PIK3C2A: variants seen among roughly 807,000 people sequenced by gnomAD.
PIK3C2A encodes phosphatidylinositol-4-phosphate 3-kinase catalytic subunit type 2 alpha.
Under a neutral mutation model 204.5 loss-of-function variants are expected in PIK3C2A, and 97 were observed. The ratio of observed to expected loss-of-function variants is 0.47; its 90% CI spans 0.40 to 0.56. PIK3C2A has a LOEUF of 0.56. Among genes scored for constraint, PIK3C2A ranks in the 20% least tolerant of loss-of-function variants. PIK3C2A has a pLI of 0.00. For synonymous variants in PIK3C2A, 653 were observed against 664.4 expected (o/e 0.98, Z 0.26); for missense variants, 1,735 against 1,969.2 (o/e 0.88, Z 2.25).
At chr11:17,102,888 G>C in intron 23 of PIK3C2A, 57 bp from the exon 24 acceptor site, 1 of 1,124,696 alleles carries the variant, frequency 8.9e-7, no homozygotes, top group South Asian at 1.5e-5. Flanking sequence ...AAGAGGCAGA[G>C]TTTATAAATA....
intron 2 of PIK3C2A, among the ~76,000 whole-genome samples, chr11:17,161,362 C>T (rs1225658379): frequency 2.0e-5 from 3 of 152,096 alleles, no homozygotes; most frequent in Non-Finnish European, 4.4e-5. Flanking sequence ...TTAACTTTTG[C>T]TCTTCTTTAA....
intron 30 of PIK3C2A, among the ~76,000 whole-genome samples, 169 bp from the exon 31 acceptor site, chr11:17,091,825 C>T (rs1054138696): frequency 3.9e-5 from 6 of 152,154 alleles, no homozygotes; most frequent in African/African-American, 1.4e-4. Context: ...TTAGTAATCA[C>T]ATCTATTAGG....
chr11:17,184,799 C>T (rs967123786), intron 1 of PIK3C2A, among the ~76,000 whole-genome samples: 2 of 151,934 alleles, frequency 1.3e-5, no homozygotes, highest in Non-Finnish European at 2.9e-5. Flanking sequence ...AATAATTAGC[C>T]GAGTGTGGTG....
chr11:17,169,833 C>CTA (rs1379560576), intron 1 of PIK3C2A, 27 bp from the exon 2 acceptor site: 10 of 801,844 alleles, frequency 1.2e-5, no homozygotes, highest in Non-Finnish European at 1.9e-5. Context: ...ACATAACACT[C>CTA]AATTAGATTT....
At chr11:17,200,466 T>A (rs1408558208) in intron 1 of PIK3C2A, among the ~76,000 whole-genome samples, 1 of 152,160 alleles carries the variant, frequency 6.6e-6, no homozygotes, top group Non-Finnish European at 1.5e-5. Context: ...ATCTCAAAAG[T>A]GTTATGCTAA....
intron 8 of PIK3C2A, among the ~76,000 whole-genome samples, chr11:17,138,900 T>C (rs1849962395): frequency 6.6e-6 from 1 of 152,156 alleles, no homozygotes; most frequent in Non-Finnish European, 1.5e-5. Flanking sequence ...AATCATCTTT[T>C]ACTAATTAAT....
At chr11:17,099,672 AT>A in intron 26 of PIK3C2A, among the ~76,000 whole-genome samples, 187 bp downstream of exon 26, 1 of 152,352 alleles carries the variant, frequency 6.6e-6, no homozygotes, top group South Asian at 2.1e-4. Flanking sequence ...ATTTTAAAAA[AT>A]ATTATTGCAA....
chr11:17,134,891 G>A lies in PIK3C2A; in HGVS notation c.2036C>T (p.Ala679Val). 1 of 1,614,136 alleles carries A rather than the reference G, an allele frequency of 6.2e-7. No individual in the cohort carries two copies. Among genetic ancestry groups the A allele is most frequent in the Admixed American group, 1.7e-5 (1 of 60,030 alleles). The change falls in exon 11 of 33, where the codon GCA (alanine) becomes GTA (valine). Residue 679 changes from alanine (A) to valine (V), a missense_variant. Coordinates refer to ENST00000691414, the MANE Select transcript of PIK3C2A (RefSeq NM_002645.4). ...CTGGAGCTGCTCTGTTGTAGTCCATGCTTCCTTGACACTCTTGCTACTTTG... is the reference window on the plus strand; with the variant it reads ...CTGGAGCTGCTCTGTTGTAGTCCATACTTCCTTGACACTCTTGCTACTTTG... ...CAQSSKSVKEAWTTTEQLQFT... is the reference protein window; with the variant it reads ...CAQSSKSVKEVWTTTEQLQFT...
intron 1 of PIK3C2A, chr11:17,193,480 G>A (rs1470323742): frequency 2.5e-5 from 11 of 435,848 alleles, no homozygotes; most frequent in South Asian, 1.6e-4. Flanking sequence ...CATGGCTTAG[G>A]GTGCAGACAT....
rs145975053 is a variant in PIK3C2A, at chr11:17,177,961, T to C, written c.-65-8155A>G. 1.3e-4 allele frequency among the ~76,000 whole-genome samples: 19 copies of C among 151,632 alleles called. No individual in the cohort carries two copies. In the East Asian group the frequency reaches 3.7e-3, roughly 29 times the overall value. The stretch of plus-strand genomic sequence containing the variant: ...TACAAAAATTAGCTAGGCATAGTGG[T>C]GGGTGTCTGTAATCTCAGCTACTCC... On this transcript the variant is annotated intron_variant, in intron 1 of 32. Coordinates refer to ENST00000691414, the MANE Select transcript of PIK3C2A (RefSeq NM_002645.4).
chr11:17,159,247 C>T (rs577855454), intron 2 of PIK3C2A, among the ~76,000 whole-genome samples: 168 of 152,298 alleles, frequency 1.1e-3, no homozygotes, highest in African/African-American at 3.9e-3. Flanking sequence ...AGCCCAAGTT[C>T]TTTAATGGTG....
intron 6 of PIK3C2A, 149 bp downstream of exon 6, chr11:17,147,368 T>C (rs1850274906): frequency 3.4e-6 from 2 of 582,846 alleles, no homozygotes; most frequent in Non-Finnish European, 6.2e-6. Context: ...ACATCTCCCC[T>C]CATTTGCTAA....
chr11:17,089,845 G>GA lies in PIK3C2A; in HGVS notation c.4953dup (p.Leu1652SerfsTer25). On this transcript the variant is annotated frameshift_variant, in exon 33 of 33. Coordinates refer to ENST00000691414, the MANE Select transcript of PIK3C2A (RefSeq NM_002645.4). LOFTEE classifies it high-confidence loss of function. ...CCACCCAAGAAAAAATTCTCCCGCA[G>GA]AGATTCTGCACTGAGTACACTTAGT... 6.2e-7 allele frequency: 1 copy of GA among 1,613,782 alleles called. No homozygotes were observed. The highest frequency in any genetic ancestry group is 8.5e-7 in the Non-Finnish European group (1 of 1,179,692).
At chr11:17,164,323 C>T (rs1850877673) in intron 2 of PIK3C2A, among the ~76,000 whole-genome samples, 1 of 150,408 alleles carries the variant, frequency 6.6e-6, no homozygotes, top group African/African-American at 2.5e-5. Flanking sequence ...CTGCACTCCA[C>T]CCTAGGTAAA....
intron 19 of PIK3C2A, 138 bp from the exon 20 acceptor site, chr11:17,114,603 ATT>A: frequency 2.0e-6 from 1 of 505,990 alleles, no homozygotes; most frequent in East Asian, 2.9e-5. Flanking sequence ...AAGAGAGTTA[ATT>A]TTTACTATAA....
At chr11:17,183,688 A>AC (rs1173801251) in intron 1 of PIK3C2A, among the ~76,000 whole-genome samples, 2 of 151,818 alleles carry the variant, frequency 1.3e-5, no homozygotes, top group Non-Finnish European at 2.9e-5. Flanking sequence ...AAAAACAACA[A>AC]AAAAAAAGAA....
In PIK3C2A at chr11:17,186,538, T is replaced by C. The variant is rs12274808; in HGVS notation, c.-65-16732A>G. 4.7e-3 allele frequency among the ~76,000 whole-genome samples: 720 copies of C among 152,312 alleles called. 10 individuals are homozygous for C. Among genetic ancestry groups the C allele is most frequent in the African/African-American group, 0.016 (685 of 41,570 alleles). ...AAAATGAGTATTTTAACCTAAGAGA[T>C]ATAATAAAGAGATACAATAGATTTT... On this transcript the variant is annotated intron_variant, in intron 1 of 32. Coordinates refer to ENST00000691414, the MANE Select transcript of PIK3C2A (RefSeq NM_002645.4).
At chr11:17,205,171 T>C (rs1222824546) in intron 1 of PIK3C2A, among the ~76,000 whole-genome samples, 1 of 145,912 alleles carries the variant, frequency 6.9e-6, no homozygotes, top group Non-Finnish European at 1.5e-5. Context: ...AGTGAGACTG[T>C]CTCAAAAAAG....
At chr11:17,192,155 A>G (rs745343747) in intron 1 of PIK3C2A, among the ~76,000 whole-genome samples, 9 of 152,122 alleles carry the variant, frequency 5.9e-5, no homozygotes, top group Non-Finnish European at 1.2e-4. Flanking sequence ...CAATAAATAA[A>G]TAAATTAATA....
Sources: gnomAD v4.1 joint callset for allele counts (sites outside exome capture counted in the v4.1 genomes callset) on GRCh38, gnomAD v4.1.1 for gene constraint, MANE v1.5 for transcripts, NCBI Gene and HGNC (gene_info 2026-07-23, HGNC 2026-07-21) for gene names.